Variants in SNX7 observed in about 807,000 individuals in gnomAD.
SNX7 encodes the protein sorting nexin 7.
SNX7 carries 35 observed loss-of-function variants against 48.4 expected under a neutral mutation model. The observed-to-expected ratio is 0.72, with a 90% CI of 0.55 to 0.96. The LOEUF is 0.96. Ranked by LOEUF, SNX7 falls within the 40% of genes least tolerant of loss-of-function variation. The pLI, the probability that SNX7 is intolerant of heterozygous loss-of-function variation, is 0.00. For missense variants in SNX7, 553 were observed against 548.9 expected, an observed-to-expected ratio of 1.01 and a Z score of -0.07; for synonymous variants, 190 against 190.2, an observed-to-expected ratio of 1.00 and a Z score of 0.01.
At chr1:98,699,663 G>A (rs1651651973) in intron 6 of SNX7, among the ~76,000 whole-genome samples, 1 of 152,016 alleles carries the variant, frequency 6.6e-6, no homozygotes, top group Admixed American at 6.6e-5. Flanking sequence ...CTTTGGACAT[G>A]TACCCTTGAT....
At chr1:98,689,172 G>T (rs1053647616) in intron 2 of SNX7, among the ~76,000 whole-genome samples, 1 of 152,084 alleles carries the variant, frequency 6.6e-6, no homozygotes, top group African/African-American at 2.4e-5. Context: ...CAAAATGCTG[G>T]GATTACAGGC....
chr1:98,752,503 GA>G (rs1654635489), intron 8 of SNX7, among the ~76,000 whole-genome samples: 1 of 151,944 alleles, frequency 6.6e-6, no homozygotes, highest in East Asian at 1.9e-4. Context: ...TACAGGCCTA[GA>G]AAAAAACCAT....
At chr1:98,753,749 C>G (rs372390035) in intron 8 of SNX7, among the ~76,000 whole-genome samples, 1 of 151,994 alleles carries the variant, frequency 6.6e-6, no homozygotes, top group African/African-American at 2.4e-5. Context: ...AAACTGAGGG[C>G]TTTTCTCTAA....
intron 1 of SNX7, among the ~76,000 whole-genome samples, chr1:98,679,550 A>G (rs1242782217): frequency 1.3e-5 from 2 of 152,164 alleles, no homozygotes; most frequent in African/African-American, 2.4e-5. Flanking sequence ...AGTCCCTTCC[A>G]CCTATGAGCT....
At chr1:98,704,593 G>A (rs1016328364) in intron 7 of SNX7, among the ~76,000 whole-genome samples, 1 of 152,126 alleles carries the variant, frequency 6.6e-6, no homozygotes, top group African/African-American at 2.4e-5. Context: ...AAATATGCAG[G>A]ATAGGGTCAC....
chr1:98,679,749 C>A (rs1418928504), intron 1 of SNX7, among the ~76,000 whole-genome samples: 1 of 152,214 alleles, frequency 6.6e-6, no homozygotes, highest in Non-Finnish European at 1.5e-5. Context: ...GTCTCACATA[C>A]AGGTCACACT....
At position 98,661,766 on chromosome 1, in the gene SNX7, C is replaced by G. The variant is rs1570470625; in HGVS notation, c.35C>G (p.Ser12Cys). ...GAGCGCCGGGCATCGCAGGCGCCCT[C>G]CTCGGGCCTCCCGGCCGGGGGCGCC... ...EGERRASQAP[S>C]SGLPAGGANG... The change falls in exon 1 of 9, where the codon TCC (serine) becomes TGC (cysteine). Residue 12 changes from serine (S) to cysteine (C), a missense_variant. Transcript: ENST00000306121. The G allele has an allele frequency of 8.1e-7, 1 of 1,240,598 alleles. No individual in the cohort carries two copies. Among genetic ancestry groups the G allele is most frequent in the Non-Finnish European group, 1.0e-6 (1 of 985,788 alleles). 76.8% of individuals were successfully genotyped at this position (1,240,598 alleles called of 1,614,324 possible).
intron 8 of SNX7, among the ~76,000 whole-genome samples, chr1:98,746,574 T>TATA (rs1654319121): frequency 2.0e-5 from 3 of 152,110 alleles, no homozygotes; most frequent in Non-Finnish European, 4.4e-5. Flanking sequence ...AAACACATGA[T>TATA]AGAGATATAA....
At chr1:98,748,415 A>G (rs1229067910) in intron 8 of SNX7, among the ~76,000 whole-genome samples, 2 of 152,128 alleles carry the variant, frequency 1.3e-5, no homozygotes, top group African/African-American at 4.8e-5. Flanking sequence ...CAGTTATATC[A>G]TGGCATAGTC....
intron 7 of SNX7, among the ~76,000 whole-genome samples, chr1:98,730,042 A>G (rs1445100800): frequency 6.6e-6 from 1 of 152,206 alleles, no homozygotes; most frequent in East Asian, 1.9e-4. Flanking sequence ...CCAGCAGCAC[A>G]TCAAAAAGCT....
chr1:98,686,842 A>G (rs989786231), intron 2 of SNX7, among the ~76,000 whole-genome samples: 5 of 152,132 alleles, frequency 3.3e-5, no homozygotes, highest in African/African-American at 9.7e-5. Flanking sequence ...TGTTATAATT[A>G]TCTATTGTCA....
At chr1:98,745,964 C>A (rs1444394210) in intron 8 of SNX7, among the ~76,000 whole-genome samples, 1 of 151,980 alleles carries the variant, frequency 6.6e-6, no homozygotes, top group Non-Finnish European at 1.5e-5. Flanking sequence ...GTCCTTTTAA[C>A]CAAATATGTC....
At chr1:98,732,206 C>T (rs937608093) in intron 7 of SNX7, among the ~76,000 whole-genome samples, 1 of 151,978 alleles carries the variant, frequency 6.6e-6, no homozygotes. Context: ...GTAGGTGTAG[C>T]CCAAAAAGTA....
Position 98,760,452 on chromosome 1 carries a change from C to T in SNX7, c.*321C>T, listed in dbSNP as rs2101068905. The T allele has an allele frequency of 4.8e-6, 1 of 209,132 alleles. No individual in the cohort carries two copies. The highest frequency in any genetic ancestry group is 1.2e-4 in the South Asian group (1 of 8,094). 13.0% of individuals were successfully genotyped at this position (209,132 alleles called of 1,614,324 possible). On this transcript the variant is annotated 3_prime_UTR_variant, in exon 9 of 9. Coordinates refer to ENST00000306121, the MANE Select transcript of SNX7 (RefSeq NM_015976.5). ...TTAAATATTTGACTGTGGAACATGC[C>T]ATTTTAAATATGTTGTAAGGACTGT...
intron 1 of SNX7, among the ~76,000 whole-genome samples, chr1:98,673,909 T>C (rs1320444282): frequency 2.0e-5 from 3 of 152,244 alleles, no homozygotes; most frequent in African/African-American, 4.8e-5. Flanking sequence ...GCTATTATGG[T>C]ATATAAGATT....
intron 7 of SNX7, among the ~76,000 whole-genome samples, chr1:98,729,830 A>C (rs1653402701): frequency 6.6e-6 from 1 of 152,188 alleles, no homozygotes; most frequent in Non-Finnish European, 1.5e-5. Flanking sequence ...TACAAGGGGA[A>C]CAAAGAGAGG....
intron 1 of SNX7, among the ~76,000 whole-genome samples, chr1:98,681,110 G>T (rs888542421): frequency 6.6e-6 from 1 of 152,192 alleles, no homozygotes; most frequent in African/African-American, 2.4e-5. Flanking sequence ...ATGGTGAAAA[G>T]CAAGGAGGAG....
Position 98,686,445 on chromosome 1 carries a change from C to A in SNX7, c.363+1378C>A, listed in dbSNP as rs1350184778. ...CACACGATAAGTGTTCAGTAATTGC[C>A]ATCTACCTGTATGTGAATAGATGTT... On this transcript the variant is annotated intron_variant, in intron 2 of 8. Coordinates refer to ENST00000306121, the MANE Select transcript of SNX7 (RefSeq NM_015976.5). Among the ~76,000 whole-genome samples the A allele has an allele frequency of 2.0e-5, 3 of 152,232 alleles. No individual in the cohort carries two copies. In the East Asian group the frequency reaches 5.8e-4, roughly 29 times the overall value.
At chr1:98,737,036 C>T (rs1170658251) in intron 7 of SNX7, among the ~76,000 whole-genome samples, 4 of 152,056 alleles carry the variant, frequency 2.6e-5, no homozygotes, top group Non-Finnish European at 5.9e-5. Flanking sequence ...GATCTGGCCA[C>T]TCACTGCTTC....
Sources: gnomAD v4.1 joint callset for allele counts (sites outside exome capture counted in the v4.1 genomes callset) on GRCh38, gnomAD v4.1.1 for gene constraint, MANE v1.5 for transcripts, NCBI Gene and HGNC (gene_info 2026-07-23, HGNC 2026-07-21) for gene names.